The following ARL15 variants were observed in gnomAD, a reference collection of about 807,000 sequenced individuals.
The protein encoded by ARL15 is ARF like GTPase 15.
In ARL15, 19 loss-of-function variants were observed where a neutral mutation model predicts 25.2. The observed-to-expected ratio is 0.75, with a 90% CI of 0.53 to 1.10. The LOEUF is 1.10. ARL15 is among the 50% of genes least tolerant of loss of function. The pLI, the probability that ARL15 is intolerant of heterozygous loss-of-function variation, is 0.00. For missense variants in ARL15, 220 were observed against 246.0 expected (o/e 0.89, Z 0.71); for synonymous variants, 94 against 86.8 (o/e 1.08, Z -0.46).
chr5:53,960,435 A>G (rs960260233), intron 4 of ARL15, among the ~76,000 whole-genome samples: 1 of 152,186 alleles, frequency 6.6e-6, no homozygotes, highest in African/African-American at 2.4e-5. Flanking sequence ...CAATGAGGCT[A>G]GGGCACAAAG....
chr5:54,122,043 G>A (rs574204899), intron 3 of ARL15, among the ~76,000 whole-genome samples: 24 of 152,280 alleles, frequency 1.6e-4, no homozygotes, highest in African/African-American at 5.5e-4. Context: ...ACCAGATGCT[G>A]AACAAAAGAG....
At chr5:54,111,889 A>G (rs16882238) in intron 4 of ARL15, among the ~76,000 whole-genome samples, 1 of 152,148 alleles carries the variant, frequency 6.6e-6, no homozygotes, top group Non-Finnish European at 1.5e-5. Context: ...AAGATTTACA[A>G]ACTAAGGTCT....
intron 4 of ARL15, among the ~76,000 whole-genome samples, chr5:54,007,356 C>T (rs1303065623): frequency 6.6e-6 from 1 of 152,138 alleles, no homozygotes; most frequent in Non-Finnish European, 1.5e-5. Context: ...CTTTACTACC[C>T]TAAAATGCAA....
intron 4 of ARL15, among the ~76,000 whole-genome samples, chr5:54,020,739 G>A (rs1346978243): frequency 6.6e-6 from 1 of 151,160 alleles, no homozygotes; most frequent in African/African-American, 2.4e-5. Flanking sequence ...GGGAGGTCAG[G>A]AGTTCAAGAC....
rs1753663169 is a variant in ARL15, at chr5:54,138,220, C to G, written c.253+16360G>C. Reference sequence around the variant, plus strand: ...CTCGATCCAGGTACAGTGGCTCATGCCTGTCCCAACATTTCGGGAGGCCAA... The same window carrying G: ...CTCGATCCAGGTACAGTGGCTCATGGCTGTCCCAACATTTCGGGAGGCCAA... On this transcript the variant is annotated intron_variant, in intron 3 of 4. Coordinates refer to ENST00000504924, the MANE Select transcript of ARL15 (RefSeq NM_019087.3). Among the ~76,000 whole-genome samples the G allele has an allele frequency of 2.6e-5, 4 of 152,156 alleles. No homozygotes were observed. In the South Asian group the frequency reaches 6.2e-4, roughly 24 times the overall value.
At chr5:54,036,254 T>C (rs1750162898) in intron 4 of ARL15, among the ~76,000 whole-genome samples, 1 of 152,178 alleles carries the variant, frequency 6.6e-6, no homozygotes, top group East Asian at 1.9e-4. Context: ...TCATGTAAAT[T>C]ACATGTTTAA....
At chr5:54,142,365 T>C (rs1753801185) in intron 3 of ARL15, among the ~76,000 whole-genome samples, 1 of 152,182 alleles carries the variant, frequency 6.6e-6, no homozygotes, top group South Asian at 2.1e-4. Context: ...TGGGGGAGTT[T>C]GTCTAATGAC....
intron 4 of ARL15, chr5:53,887,354 C>CA: frequency 1.4e-6 from 1 of 693,516 alleles, no homozygotes; most frequent in Non-Finnish European, 2.6e-6. Context: ...AATCTTCTAC[C>CA]TTTTTTTTTC....
At chr5:54,267,852 G>C (rs1757671354) in intron 1 of ARL15, among the ~76,000 whole-genome samples, 1 of 151,884 alleles carries the variant, frequency 6.6e-6, no homozygotes, top group African/African-American at 2.4e-5. Context: ...TAGTCTGATG[G>C]GCTTCCCTTT....
chr5:54,210,755 A>G (rs1756016839), intron 1 of ARL15, among the ~76,000 whole-genome samples: 1 of 152,266 alleles, frequency 6.6e-6, no homozygotes. Flanking sequence ...AAGAATATTT[A>G]CAAATACAAA....
chr5:53,939,118 G>C (rs1746445420), intron 4 of ARL15, among the ~76,000 whole-genome samples: 1 of 152,124 alleles, frequency 6.6e-6, no homozygotes, highest in Non-Finnish European at 1.5e-5. Context: ...CATATTTCAA[G>C]CATCATTAAT....
intron 1 of ARL15, among the ~76,000 whole-genome samples, chr5:54,176,008 T>C (rs968227530): frequency 6.6e-6 from 1 of 152,124 alleles, no homozygotes; most frequent in Non-Finnish European, 1.5e-5. Context: ...ATGGTTTCAA[T>C]CATATAACCG....
At chr5:54,137,191 T>C (rs1335488896) in intron 3 of ARL15, among the ~76,000 whole-genome samples, 1 of 152,080 alleles carries the variant, frequency 6.6e-6, no homozygotes, top group African/African-American at 2.4e-5. Context: ...GTTAGCCATG[T>C]CAGGCATTTT....
At chr5:54,069,153 A>G (rs879898637) in intron 4 of ARL15, among the ~76,000 whole-genome samples, 4 of 152,208 alleles carry the variant, frequency 2.6e-5, no homozygotes, top group Admixed American at 2.6e-4. Flanking sequence ...ATTCAAAATT[A>G]ATGAAGTGAA....
intron 1 of ARL15, among the ~76,000 whole-genome samples, chr5:54,219,067 G>C (rs1756301053): frequency 6.6e-6 from 1 of 150,966 alleles, no homozygotes. Flanking sequence ...AAAGGATTTA[G>C]TCGGCACTAA....
chr5:53,956,222 G>A (rs987004888), intron 4 of ARL15, among the ~76,000 whole-genome samples: 1 of 151,828 alleles, frequency 6.6e-6, no homozygotes, highest in Admixed American at 6.6e-5. Flanking sequence ...AAAGCTATCA[G>A]AGACCACATA....
At chr5:53,940,584 A>C (rs550130743) in intron 4 of ARL15, among the ~76,000 whole-genome samples, 1 of 152,288 alleles carries the variant, frequency 6.6e-6, no homozygotes, top group Admixed American at 6.5e-5. Flanking sequence ...TATAACCTTA[A>C]ATGCCCACAG....
At chr5:54,151,827 C>A (rs556378119) in intron 3 of ARL15, among the ~76,000 whole-genome samples, 2 of 152,122 alleles carry the variant, frequency 1.3e-5, no homozygotes, top group African/African-American at 4.8e-5. Context: ...CAGGTTTATG[C>A]GCTTCCCTAT....
chr5:53,938,802 C>CCA (rs1400014134), intron 4 of ARL15, among the ~76,000 whole-genome samples: 2 of 152,150 alleles, frequency 1.3e-5, no homozygotes, highest in Non-Finnish European at 2.9e-5. Flanking sequence ...CGAGATCATG[C>CCA]CACTGCACTC....
Sources: allele counts gnomAD v4.1 joint callset (sites outside exome capture counted in the v4.1 genomes callset), GRCh38; gene constraint gnomAD v4.1.1; transcripts MANE v1.5; gene names NCBI Gene and HGNC (gene_info 2026-07-23, HGNC 2026-07-21).